Variants in PCDHAC1 observed in about 807,000 individuals in gnomAD.
PCDHAC1 encodes the protein protocadherin alpha-C1.
A neutral mutation model predicts 60.0 loss-of-function variants in PCDHAC1; 42 were observed. The observed-to-expected ratio is 0.70, with a 90% CI of 0.55 to 0.90. The LOEUF (loss-of-function observed/expected upper bound fraction) is 0.90. Ranked by LOEUF, PCDHAC1 falls within the 40% of genes least tolerant of loss-of-function variation. The pLI, the probability that PCDHAC1 is intolerant of heterozygous loss-of-function variation, is 0.00. For missense variants in PCDHAC1, 1,160 were observed against 1,222.3 expected, an observed-to-expected ratio of 0.95 and a Z score of 0.76; for synonymous variants, 468 against 499.3, an observed-to-expected ratio of 0.94 and a Z score of 0.84.
At chr5:140,997,910 A>T (rs2097790102) in intron 3 of PCDHAC1, among the ~76,000 whole-genome samples, 2 of 152,234 alleles carry the variant, frequency 1.3e-5, no homozygotes. Flanking sequence ...AAGTAGAATT[A>T]CAGAATCATA....
At chr5:140,973,870 T>A (rs2153801427) in intron 1 of PCDHAC1, among the ~76,000 whole-genome samples, 1 of 152,264 alleles carries the variant, frequency 6.6e-6, no homozygotes. Flanking sequence ...CAATGAGAGG[T>A]CAGAATAATG....
chr5:140,938,477 A>T (rs2092083791), intron 1 of PCDHAC1, among the ~76,000 whole-genome samples: 1 of 152,178 alleles, frequency 6.6e-6, no homozygotes, highest in Non-Finnish European at 1.5e-5. Flanking sequence ...TATGTTTTTT[A>T]AAAATCATGA....
At position 140,926,755 on chromosome 5, in the gene PCDHAC1, T is replaced by G; in HGVS notation, c.-138T>G. The G allele has an allele frequency of 3.1e-6, 4 of 1,282,566 alleles. No individual in the cohort carries two copies. Among genetic ancestry groups the G allele is most frequent in the Non-Finnish European group, 4.0e-6 (4 of 994,932 alleles). The allele number at this position is 1,282,566 out of a possible 1,614,324, so 79.4% of individuals were successfully genotyped here. On this transcript the variant is annotated 5_prime_UTR_variant, in exon 1 of 4. An upstream open reading frame in the 5' UTR loses its in-frame stop. Coordinates refer to ENST00000253807, the MANE Select transcript of PCDHAC1 (RefSeq NM_018898.5). ...CGGGAGGCGCAACGTCGGCGGTCGC[T>G]GAGTATCCAGCCCGCAGCAGTGACG... is the stretch of plus-strand genomic sequence containing the variant.
intron 1 of PCDHAC1, among the ~76,000 whole-genome samples, chr5:140,975,842 T>C (rs1291239014): frequency 1.3e-5 from 2 of 152,210 alleles, no homozygotes; most frequent in Non-Finnish European, 2.9e-5. Context: ...TATTCTTCAG[T>C]AATACTACAT....
intron 1 of PCDHAC1, among the ~76,000 whole-genome samples, chr5:140,938,842 G>T (rs2092225940): frequency 1.3e-5 from 2 of 151,980 alleles, no homozygotes; most frequent in African/African-American, 4.8e-5. Context: ...TAACAAACCT[G>T]CCCATGTACC....
chr5:140,982,499 C>T lies in PCDHAC1; in HGVS notation c.2517C>T (p.Gly839=). The T allele has an allele frequency of 6.2e-7, 1 of 1,614,184 alleles. No individual in the cohort carries two copies. The highest frequency in any genetic ancestry group is 8.5e-7 in the Non-Finnish European group (1 of 1,180,024). The part of the protein sequence containing the change: ...MHSSVHLEEA[G]ILRAGPGGPD... Reference sequence around the variant, plus strand: ...GCTCTGTGCACCTAGAGGAGGCTGGCATTCTACGGGCTGGTCCAGGAGGGC... The same window carrying T: ...GCTCTGTGCACCTAGAGGAGGCTGGTATTCTACGGGCTGGTCCAGGAGGGC... The change falls in exon 3 of 4, where the codon GGC becomes GGT. Residue 839 remains glycine (G), a synonymous_variant. Transcript: ENST00000253807.
Position 140,927,564 on chromosome 5 carries a change from GGACACAAAT to G in PCDHAC1, c.677_685del (p.Thr226_Asp228del). The G allele has an allele frequency of 6.2e-7, 1 of 1,614,150 alleles. No individual in the cohort carries two copies. The highest frequency in any genetic ancestry group is 1.7e-5 in the Admixed American group (1 of 60,026). ...ACGCACAAGTCACCATCATTGTGGTGGACACAAATGACAACGCGCCTGTATTTGAGCGCT... is the reference window on the plus strand; with the variant it reads ...ACGCACAAGTCACCATCATTGTGGTGGACAACGCGCCTGTATTTGAGCGCT... On this transcript the variant is annotated inframe_deletion, in exon 1 of 4. Coordinates refer to ENST00000253807, the MANE Select transcript of PCDHAC1 (RefSeq NM_018898.5).
At chr5:140,990,668 G>A (rs1554251661) in intron 3 of PCDHAC1, among the ~76,000 whole-genome samples, 1 of 152,178 alleles carries the variant, frequency 6.6e-6, no homozygotes, top group African/African-American at 2.4e-5. Flanking sequence ...TACATTAGAT[G>A]CACACCAAGC....
At position 141,010,088 on chromosome 5, in the gene PCDHAC1, C is replaced by T. The variant is rs1165296922; in HGVS notation, c.*151C>T. ...GAAAGTTCCCTGTGTCTGTCTAGAA[C>T]GCATTTAACAGGTTTTGTCGTAAAA... On this transcript the variant is annotated 3_prime_UTR_variant, in exon 4 of 4. Transcript: ENST00000253807. 2.0e-5 allele frequency: 33 copies of T among 1,612,012 alleles called. No homozygotes were observed. Among genetic ancestry groups the T allele is most frequent in the South Asian group, 4.4e-5 (4 of 90,728 alleles).
At chr5:140,952,009 G>A (rs780606946) in intron 1 of PCDHAC1, among the ~76,000 whole-genome samples, 1 of 152,102 alleles carries the variant, frequency 6.6e-6, no homozygotes, top group African/African-American at 2.4e-5. Flanking sequence ...AGAATTATAG[G>A]CCCCATGCAA....
intron 1 of PCDHAC1, among the ~76,000 whole-genome samples, chr5:140,944,779 T>C (rs1022054674): frequency 6.6e-6 from 1 of 152,228 alleles, no homozygotes; most frequent in African/African-American, 2.4e-5. Flanking sequence ...CCTCCTGTTA[T>C]TGTATTTTAC....
Position 140,928,468 on chromosome 5 carries a change from G to A in PCDHAC1, c.1576G>A (p.Glu526Lys). ...EQLRGFHFQVEGRDGGIPPRS... is the reference protein window; with the variant it reads ...EQLRGFHFQVKGRDGGIPPRS... The stretch of plus-strand genomic sequence containing the variant: ...GCTCAGGGGGTTTCATTTCCAAGTA[G>A]AAGGCCGGGATGGTGGCATTCCTCC... Residue 526 changes from glutamate (E) to lysine (K), a missense_variant, in exon 1 of 4, where the codon GAA becomes AAA. Glu to Lys is a moderately conservative substitution (Grantham distance 56). This residue lies in a region of PCDHAC1 where 1,113 missense variants were observed against 1,163.7 expected (regional missense o/e 0.96). Transcript: ENST00000253807. 1 of 1,614,154 alleles carries A rather than the reference G, an allele frequency of 6.2e-7. No individual in the cohort carries two copies.
intron 3 of PCDHAC1, among the ~76,000 whole-genome samples, chr5:140,987,107 G>A (rs936936352): frequency 6.6e-6 from 1 of 151,876 alleles, no homozygotes; most frequent in Non-Finnish European, 1.5e-5. Flanking sequence ...CCAGCTACTC[G>A]GGAGGCTGAG....
Position 140,927,371 on chromosome 5 carries a change from G to GCTACAGCCTAAGCC in PCDHAC1, c.481_494dup (p.Ser166ThrfsTer3). On this transcript the variant is annotated frameshift_variant, in exon 1 of 4. Coordinates refer to ENST00000253807, the MANE Select transcript of PCDHAC1 (RefSeq NM_018898.5). LOFTEE classifies it high-confidence loss of function. Reference sequence around the variant, plus strand: ...GACGAGGGAAGCAATGGGATACTAAGCTACAGCCTAAGCCCCAGTCAGCAC... The same window carrying GCTACAGCCTAAGCC: ...GACGAGGGAAGCAATGGGATACTAAGCTACAGCCTAAGCCCTACAGCCTAAGCCCCAGTCAGCAC... 6.2e-7 allele frequency: 1 copy of GCTACAGCCTAAGCC among 1,614,080 alleles called. No individual in the cohort carries two copies. The highest frequency in any genetic ancestry group is 8.5e-7 in the Non-Finnish European group (1 of 1,179,916).
Position 140,927,894 on chromosome 5 carries a change from C to A in PCDHAC1, c.1002C>A (p.Asn334Lys), listed in dbSNP as rs372774238. Residue 334 changes from asparagine (N) to lysine (K), a missense_variant, in exon 1 of 4, where the codon AAC becomes AAA. Physicochemically the swap from Asn to Lys is moderately conservative, Grantham distance 94. Coordinates refer to ENST00000253807, the MANE Select transcript of PCDHAC1 (RefSeq NM_018898.5). ...TGCTGGTGGAGGTGACTGACGTGAA[C>A]GATCATGCCCCCGAACTGGACTTCC... ...AKLLVEVTDVNDHAPELDFLT... is the reference protein window; with the variant it reads ...AKLLVEVTDVKDHAPELDFLT... 1.2e-6 allele frequency: 2 copies of A among 1,614,208 alleles called. No homozygotes were observed. The highest frequency in any genetic ancestry group is 2.2e-5 in the East Asian group (1 of 44,880).
At chr5:140,960,306 A>G (rs1554224657) in intron 1 of PCDHAC1, among the ~76,000 whole-genome samples, 1 of 152,136 alleles carries the variant, frequency 6.6e-6, no homozygotes, top group African/African-American at 2.4e-5. Context: ...ATCAATACCA[A>G]CCTCATTAGG....
At chr5:140,984,976 C>A (rs905264957) in intron 3 of PCDHAC1, among the ~76,000 whole-genome samples, 8 of 151,910 alleles carry the variant, frequency 5.3e-5, no homozygotes, top group African/African-American at 1.9e-4. Flanking sequence ...CTCGCTCTGT[C>A]CCCCAGGCTG....
chr5:140,990,136 A>C (rs996616541), intron 3 of PCDHAC1, among the ~76,000 whole-genome samples: 1 of 152,198 alleles, frequency 6.6e-6, no homozygotes, highest in African/African-American at 2.4e-5. Context: ...GTCAGACTCA[A>C]GAGGCATAAT....
chr5:140,965,976 G>A (rs2095953776), intron 1 of PCDHAC1, among the ~76,000 whole-genome samples: 1 of 152,154 alleles, frequency 6.6e-6, no homozygotes, highest in Non-Finnish European at 1.5e-5. Context: ...CCTAGGAGTT[G>A]AGCACTTTCT....
Sources: allele counts gnomAD v4.1 joint callset (sites outside exome capture counted in the v4.1 genomes callset), GRCh38; gene constraint gnomAD v4.1.1; regional missense constraint gnomAD v4.1.1; transcripts MANE v1.5; gene names NCBI Gene and HGNC (gene_info 2026-07-23, HGNC 2026-07-21).